SBK1: variants seen among roughly 807,000 people sequenced by gnomAD.
SBK1 encodes the protein SH3 domain binding kinase 1.
Under a neutral mutation model 24.4 loss-of-function variants are expected in SBK1, and 11 were observed. The observed-to-expected ratio is 0.45, with a 90% CI of 0.28 to 0.75. The LOEUF is 0.75. Among genes scored for constraint, SBK1 ranks in the 30% least tolerant of loss-of-function variants. The pLI is 0.12. For missense variants in SBK1, 467 were observed against 620.5 expected (o/e 0.75, Z 2.63); for synonymous variants, 308 against 284.4 (o/e 1.08, Z -0.83).
At chr16:28,279,223 A>AG (rs1555536466) in intron 1 of SBK1, among the ~76,000 whole-genome samples, 1 of 149,624 alleles carries the variant, frequency 6.7e-6, no homozygotes, top group Non-Finnish European at 1.5e-5. Flanking sequence ...AAAAAAAAAA[A>AG]GGAAAGGAAA....
chr16:28,313,709 G>A (rs2044770420), intron 1 of SBK1, among the ~76,000 whole-genome samples: 1 of 151,962 alleles, frequency 6.6e-6, no homozygotes, highest in South Asian at 2.1e-4. Context: ...GGGAGGGGAG[G>A]GTTCCTTCCT....
chr16:28,275,202 T>A (rs1015885738), intron 1 of SBK1, among the ~76,000 whole-genome samples: 1 of 152,010 alleles, frequency 6.6e-6, no homozygotes, highest in African/African-American at 2.4e-5. Context: ...CTGGGGCTTG[T>A]GCCTGTGGTC....
At chr16:28,283,845 C>T (rs2044548118) in intron 1 of SBK1, among the ~76,000 whole-genome samples, 1 of 152,126 alleles carries the variant, frequency 6.6e-6, no homozygotes, top group South Asian at 2.1e-4. Flanking sequence ...CCCTTCCCCA[C>T]TCCGACCTGC....
chr16:28,298,734 CAT>C (rs1459415098), intron 1 of SBK1, among the ~76,000 whole-genome samples: 6 of 152,242 alleles, frequency 3.9e-5, no homozygotes, highest in Admixed American at 3.9e-4. Flanking sequence ...ACTCCTTCCT[CAT>C]GGCTTTAGGC....
At chr16:28,311,429 G>A (rs1442056794) in intron 1 of SBK1, among the ~76,000 whole-genome samples, 1 of 152,092 alleles carries the variant, frequency 6.6e-6, no homozygotes, top group African/African-American at 2.4e-5. Context: ...TAGAATAGAG[G>A]ACACTAAAGC....
chr16:28,265,650 G>A (rs1232569264), intron 1 of SBK1, among the ~76,000 whole-genome samples: 1 of 151,922 alleles, frequency 6.6e-6, no homozygotes, highest in East Asian at 1.9e-4. Flanking sequence ...TAGATTTAGT[G>A]ATGTAGAAGT....
intron 1 of SBK1, among the ~76,000 whole-genome samples, chr16:28,270,503 G>A (rs536342905): frequency 1.3e-5 from 2 of 151,904 alleles, no homozygotes; most frequent in African/African-American, 4.8e-5. Flanking sequence ...ATGTCTCACT[G>A]CAGTCTCAAC....
chr16:28,296,526 C>T (rs2044642043), intron 1 of SBK1, among the ~76,000 whole-genome samples: 1 of 152,194 alleles, frequency 6.6e-6, no homozygotes, highest in Admixed American at 6.5e-5. Context: ...CCACCACACA[C>T]AGCCCAAAAA....
At position 28,322,917 on chromosome 16, in the gene SBK1, G is replaced by GCT. The variant is rs2044863833; in HGVS notation, c.*1997_*1998insTC. 2.6e-5 allele frequency: 3 copies of GCT among 117,152 alleles called. No individual in the cohort carries two copies. The highest frequency in any genetic ancestry group is 8.8e-5 in the Admixed American group (1 of 11,350). The allele number at this position is 117,152 out of a possible 1,614,324, so 7.3% of individuals were successfully genotyped here. On this transcript the variant is annotated 3_prime_UTR_variant, in exon 4 of 4. Coordinates refer to ENST00000341901, the MANE Select transcript of SBK1 (RefSeq NM_001024401.3). ...GCCGTGCTCGCTCTCTCTCTCGCGC[G>GCT]CGCTCTCTCTCTCCCTCTCTCTCTC...
chr16:28,307,588 A>G (rs1251597527), intron 1 of SBK1, among the ~76,000 whole-genome samples: 1 of 151,882 alleles, frequency 6.6e-6, no homozygotes, highest in African/African-American at 2.4e-5. Flanking sequence ...AAAAATACAA[A>G]AATTAGCCGG....
intron 1 of SBK1, among the ~76,000 whole-genome samples, chr16:28,274,982 G>A (rs759874986): frequency 1.3e-5 from 2 of 152,146 alleles, no homozygotes; most frequent in Non-Finnish European, 2.9e-5. Context: ...AAATGTGGAG[G>A]TAAAAATGAC....
chr16:28,276,940 A>C (rs1172551743), intron 1 of SBK1, among the ~76,000 whole-genome samples: 2 of 152,144 alleles, frequency 1.3e-5, no homozygotes, highest in Non-Finnish European at 2.9e-5. Flanking sequence ...CTGGGATTAC[A>C]GGCGTGAGCC....
At chr16:28,315,823 T>G (rs990249477) in intron 1 of SBK1, among the ~76,000 whole-genome samples, 3 of 152,142 alleles carry the variant, frequency 2.0e-5, no homozygotes, top group Non-Finnish European at 4.4e-5. Context: ...TGGAATGCAG[T>G]GGCACGATCT....
chr16:28,313,786 T>C (rs1378416869), intron 1 of SBK1, among the ~76,000 whole-genome samples: 5 of 151,818 alleles, frequency 3.3e-5, no homozygotes, highest in Non-Finnish European at 2.9e-5. Flanking sequence ...GCCAGGAAGT[T>C]CTCTCCTGAT....
At chr16:28,266,370 C>T (rs1007271812) in intron 1 of SBK1, among the ~76,000 whole-genome samples, 2 of 150,752 alleles carry the variant, frequency 1.3e-5, no homozygotes, top group Admixed American at 1.3e-4. Context: ...CTGTCTCTTA[C>T]AAAAAGAAAA....
rs2044876496 is a variant in SBK1 at position 28,323,760 on chromosome 16, C to T, written c.*2839C>T. ...CATGTGTTTGTAAATACTCTGGCAT[C>T]CTTTGGCCCTGAGAAGGTTTTTAAA... On this transcript the variant is annotated 3_prime_UTR_variant, in exon 4 of 4. Transcript: ENST00000341901. 1 of 152,702 alleles carries T rather than the reference C, an allele frequency of 6.5e-6. No individual in the cohort carries two copies. The highest frequency in any genetic ancestry group is 2.4e-5 in the African/African-American group (1 of 41,438). 9.5% of individuals were successfully genotyped at this position (152,702 alleles called of 1,614,324 possible).
intron 1 of SBK1, among the ~76,000 whole-genome samples, chr16:28,303,939 C>T (rs2044697861): frequency 6.6e-6 from 1 of 152,122 alleles, no homozygotes; most frequent in Non-Finnish European, 1.5e-5. Context: ...CACCAAGAAG[C>T]AGCCCCTTCC....
intron 2 of SBK1, among the ~76,000 whole-genome samples, chr16:28,318,731 G>A (rs538636612): frequency 6.6e-5 from 10 of 152,336 alleles, no homozygotes; most frequent in African/African-American, 2.4e-4. Flanking sequence ...AGGACAAAAT[G>A]AGAGAGGTGG....
At position 28,319,601 on chromosome 16, in the gene SBK1, G is replaced by A. The variant is rs2044823377; in HGVS notation, c.429+404G>A. 6.6e-6 allele frequency among the ~76,000 whole-genome samples: 1 copy of A among 152,120 alleles called. No individual in the cohort carries two copies. Among genetic ancestry groups the A allele is most frequent in the African/African-American group, 2.4e-5 (1 of 41,430 alleles). ...CTTTAAATCTGCTCTGCCACTTGCT[G>A]GCTGAGTGATGAGACCTTCGGAGCA... On this transcript the variant is annotated intron_variant, in intron 3 of 3. Transcript: ENST00000341901. This position sits in a 1 kb window ranked among gnomAD's most constrained non-coding sequence, Gnocchi z 4.0.
Sources: gnomAD v4.1 joint callset for allele counts (sites outside exome capture counted in the v4.1 genomes callset) on GRCh38, gnomAD v4.1.1 for gene constraint, Gnocchi (gnomAD v3.1) non-coding constraint, MANE v1.5 for transcripts, NCBI Gene and HGNC (gene_info 2026-07-23, HGNC 2026-07-21) for gene names.